Variants in DPP6 observed in about 807,000 individuals in gnomAD.
DPP6 encodes the protein A-type potassium channel modulatory protein DPP6.
DPP6 carries 69 observed loss-of-function variants against 122.6 expected under a neutral mutation model. That is an observed-to-expected ratio of 0.56 (90% CI 0.46 to 0.69). The LOEUF (loss-of-function observed/expected upper bound fraction) is 0.69. Ranked by LOEUF, DPP6 falls within the 30% of genes least tolerant of loss-of-function variation. The pLI is 0.00. For synonymous variants in DPP6, 418 were observed against 433.1 expected (o/e 0.97, Z 0.43); for missense variants, 928 against 1,116.9 (o/e 0.83, Z 2.41).
At chr7:154,062,970 A>G (rs1449830316) in intron 1 of DPP6, among the ~76,000 whole-genome samples, 2 of 130,766 alleles carry the variant, frequency 1.5e-5, no homozygotes, top group Non-Finnish European at 3.3e-5. Context: ...GACGGCAGGT[A>G]CCTTACGTGG....
chr7:154,788,227 T>C (rs1370761979), intron 10 of DPP6, among the ~76,000 whole-genome samples: 2 of 152,124 alleles, frequency 1.3e-5, no homozygotes, highest in Non-Finnish European at 2.9e-5. Flanking sequence ...GCGGATCAGT[T>C]GAAGTCAGGA....
At chr7:154,484,271 C>T (rs1191818206) in intron 3 of DPP6, among the ~76,000 whole-genome samples, 2 of 152,216 alleles carry the variant, frequency 1.3e-5, no homozygotes, top group Non-Finnish European at 2.9e-5. Context: ...AAAGTGTCTC[C>T]TCTGTCTTAA....
chr7:154,145,019 T>A (rs1215300177), intron 1 of DPP6, among the ~76,000 whole-genome samples: 3 of 151,968 alleles, frequency 2.0e-5, no homozygotes, highest in Admixed American at 6.6e-5. Context: ...TGGGCACAAT[T>A]CTAAGATGCC....
intron 1 of DPP6, among the ~76,000 whole-genome samples, chr7:154,210,083 T>A (rs1256998926): frequency 6.6e-6 from 1 of 152,150 alleles, no homozygotes; most frequent in African/African-American, 2.4e-5. Flanking sequence ...CAAATGATGG[T>A]GAAGAGGAGT....
intron 1 of DPP6, among the ~76,000 whole-genome samples, chr7:154,323,643 T>A (rs1463825731): frequency 1.3e-5 from 2 of 152,220 alleles, no homozygotes; most frequent in Non-Finnish European, 2.9e-5. Flanking sequence ...ACTCCAGGAA[T>A]AATATTACAC....
intron 1 of DPP6, among the ~76,000 whole-genome samples, chr7:153,971,145 A>G (rs1295413538): frequency 1.3e-5 from 2 of 152,052 alleles, no homozygotes; most frequent in African/African-American, 4.8e-5. Context: ...ATTTTTACCA[A>G]TATCACATAT....
chr7:154,676,240 A>T (rs1245347797), intron 7 of DPP6, among the ~76,000 whole-genome samples: 4 of 139,160 alleles, frequency 2.9e-5, no homozygotes, highest in African/African-American at 5.5e-5. Flanking sequence ...GACCTGCTAC[A>T]CAGGTGTTCC....
intron 1 of DPP6, among the ~76,000 whole-genome samples, chr7:154,324,154 G>A (rs866060595): frequency 5.3e-5 from 8 of 152,070 alleles, no homozygotes; most frequent in African/African-American, 7.2e-5. Flanking sequence ...GATGGTCTAC[G>A]GATTGATTTA....
chr7:154,017,856 CTCT>C (rs1798502624), intron 1 of DPP6, among the ~76,000 whole-genome samples: 1 of 151,830 alleles, frequency 6.6e-6, no homozygotes, highest in South Asian at 2.1e-4. Flanking sequence ...TATCTTCCTT[CTCT>C]TCTTCATAAG....
intron 14 of DPP6, among the ~76,000 whole-genome samples, chr7:154,804,688 C>T (rs1255007748): frequency 6.6e-6 from 1 of 152,204 alleles, no homozygotes; most frequent in Admixed American, 6.5e-5. Flanking sequence ...GAGGCCAGTG[C>T]AGGGGGCACC....
the DPP6 span, among the ~76,000 whole-genome samples, chr7:153,787,432 T>C: frequency 6.9e-6 from 1 of 144,090 alleles, no homozygotes; most frequent in Non-Finnish European, 1.5e-5. Flanking sequence ...AAAAGCATTT[T>C]ATTTTTCTTT....
chr7:153,883,291 A>G (rs1420680615), upstream of DPP6, among the ~76,000 whole-genome samples: 1 of 152,240 alleles, frequency 6.6e-6, no homozygotes, highest in Non-Finnish European at 1.5e-5. Context: ...GAATTTTATC[A>G]GAAATTTAAA....
chr7:154,428,554 T>G (rs562866353), intron 1 of DPP6, among the ~76,000 whole-genome samples: 1 of 152,260 alleles, frequency 6.6e-6, no homozygotes, highest in African/African-American at 2.4e-5. Context: ...ACGCATAGGC[T>G]TACTGCAAAA....
intron 2 of DPP6, among the ~76,000 whole-genome samples, chr7:154,448,311 A>G (rs1394619037): frequency 1.3e-5 from 2 of 152,188 alleles, no homozygotes; most frequent in Non-Finnish European, 2.9e-5. Context: ...TAAAATTAAG[A>G]AAATGATTCC....
chr7:154,063,487 T>C (rs1585292225), intron 1 of DPP6, among the ~76,000 whole-genome samples: 1 of 108,656 alleles, frequency 9.2e-6, no homozygotes, highest in East Asian at 2.9e-4. Context: ...CCATTCCCTC[T>C]TCCCCCCCTG....
chr7:153,964,521 G>T (rs1445633308), intron 1 of DPP6, among the ~76,000 whole-genome samples: 1 of 152,064 alleles, frequency 6.6e-6, no homozygotes, highest in Non-Finnish European at 1.5e-5. Flanking sequence ...TTCCACCCTG[G>T]GATCCAGGAG....
At chr7:153,920,315 A>G (rs1231456334) in intron 1 of DPP6, among the ~76,000 whole-genome samples, 2 of 152,216 alleles carry the variant, frequency 1.3e-5, no homozygotes, top group Admixed American at 1.3e-4. Flanking sequence ...GAATTGGCTG[A>G]GAGAACCGAC....
chr7:154,645,074 T>C (rs1225756373), intron 6 of DPP6, among the ~76,000 whole-genome samples: 1 of 149,250 alleles, frequency 6.7e-6, no homozygotes, highest in Non-Finnish European at 1.5e-5. Context: ...TTTTTTTTTT[T>C]TTTTTTGAGA....
chr7:154,103,638 G>C (rs1312027291), intron 1 of DPP6, among the ~76,000 whole-genome samples: 1 of 152,266 alleles, frequency 6.6e-6, no homozygotes, highest in African/African-American at 2.4e-5. Context: ...TGAGTCAGTG[G>C]ACTGGGAGAG....
Sources: gnomAD v4.1 joint callset for allele counts (sites outside exome capture counted in the v4.1 genomes callset) on GRCh38, gnomAD v4.1.1 for gene constraint, MANE v1.5 for transcripts, NCBI Gene and HGNC (gene_info 2026-07-23, HGNC 2026-07-21) for gene names.